The following ZDHHC15 variants were observed in gnomAD, a reference collection of about 807,000 sequenced individuals.
The protein encoded by ZDHHC15 is zDHHC palmitoyltransferase 15.
A neutral mutation model predicts 31.7 loss-of-function variants in ZDHHC15; 19 were observed. The ratio of observed to expected loss-of-function variants is 0.60; its 90% CI spans 0.42 to 0.88. ZDHHC15 has a LOEUF of 0.88. Among genes scored for constraint, ZDHHC15 ranks in the 40% least tolerant of loss-of-function variants. The pLI, the probability that ZDHHC15 is intolerant of heterozygous loss-of-function variation, is 0.00. For missense variants in ZDHHC15, 209 were observed against 251.2 expected, an observed-to-expected ratio of 0.83 and a Z score of 1.14; for synonymous variants, 103 against 90.0, an observed-to-expected ratio of 1.14 and a Z score of -0.82.
intron 3 of ZDHHC15, among the ~76,000 whole-genome samples, chrX:75,477,424 T>C (rs893232940): frequency 9.8e-5 from 11 of 111,954 alleles, no homozygotes; most frequent in Non-Finnish European, 1.9e-4. Flanking sequence ...TGTTTAGTTA[T>C]TGTATCCATT....
chrX:75,451,008 A>G lies in ZDHHC15; in HGVS notation c.259-86T>C, dbSNP rs777570851. The G allele has an allele frequency of 1.3e-3, 1,321 of 1,052,357 alleles. 1 individual carries two copies. The highest frequency in any genetic ancestry group is 1.5e-3 in the Non-Finnish European group (1,182 of 797,318). The allele number at this position is 1,052,357 out of a possible 1,213,427, so 86.7% of individuals were successfully genotyped here. ...CAACAACAATAACTACTTTAATGAAATTATTTGTTACCTACCCTTGAAGCT... is the reference window on the plus strand; with the variant it reads ...CAACAACAATAACTACTTTAATGAAGTTATTTGTTACCTACCCTTGAAGCT... On this transcript the variant is annotated intron_variant, in intron 3 of 11. Transcript: ENST00000373367.
Position 75,369,943 on chromosome X carries a change from T to G in ZDHHC15, c.*3035A>C, listed in dbSNP as rs1413722099. The G allele has an allele frequency of 9.0e-6, 1 of 111,541 alleles. No individual in the cohort carries two copies. Among genetic ancestry groups the G allele is most frequent in the Non-Finnish European group, 1.9e-5 (1 of 53,169 alleles). The allele number at this position is 111,541 out of a possible 1,213,427, so 9.2% of individuals were successfully genotyped here. A position where few individuals can be genotyped will look rare whatever the true frequency, so the allele number is the denominator to read the frequency against. On this transcript the variant is annotated 3_prime_UTR_variant, in exon 12 of 12. Coordinates refer to ENST00000373367, the MANE Select transcript of ZDHHC15 (RefSeq NM_144969.3). The stretch of plus-strand genomic sequence containing the variant: ...GGGGACCACTTAATCTCTTTTCCCC[T>G]TAATTTTTCCAGCTGTACCATGGGG...
In ZDHHC15 at chrX:75,510,476, G is replaced by GTT. The variant is rs373085476; in HGVS notation, c.137-4631_137-4630dup. 2.4e-3 allele frequency among the ~76,000 whole-genome samples: 129 copies of GTT among 52,962 alleles called. 1 individual carries two copies. Among genetic ancestry groups the GTT allele is most frequent in the East Asian group, 0.011 (23 of 2,033 alleles). The allele number at this position is 52,962 out of a possible 115,157, so 46.0% of individuals were successfully genotyped here. On this transcript the variant is annotated intron_variant, in intron 1 of 11. Transcript: ENST00000373367. ...TTGGTTTCTAGAAAATGTTTCTTCT[G>GTT]TTTTTTTTTTTTTTTCTGTCTGATC... is the stretch of plus-strand genomic sequence containing the variant.
chrX:75,463,378 G>A (rs1264818414), intron 3 of ZDHHC15, among the ~76,000 whole-genome samples: 4 of 110,785 alleles, frequency 3.6e-5, no homozygotes, highest in Non-Finnish European at 7.6e-5. Context: ...AAATTGAAAA[G>A]GAGAGACTCT....
intron 7 of ZDHHC15, 95 bp from the exon 8 acceptor site, chrX:75,424,879 G>C: frequency 1.1e-6 from 1 of 891,765 alleles, no homozygotes; most frequent in African/African-American, 2.1e-5. Context: ...CATGTATAAA[G>C]TGTCTAGCTG....
chrX:75,453,032 T>TCAGAG (rs961760449), intron 3 of ZDHHC15, among the ~76,000 whole-genome samples: 3 of 111,002 alleles, frequency 2.7e-5, no homozygotes, highest in Non-Finnish European at 3.8e-5. Flanking sequence ...ATAACTAAGA[T>TCAGAG]CAGAGCAGAA....
At chrX:75,477,269 G>A (rs1198020732) in intron 3 of ZDHHC15, among the ~76,000 whole-genome samples, 1 of 111,120 alleles carries the variant, frequency 9.0e-6, no homozygotes, top group Non-Finnish European at 1.9e-5. Context: ...CTTGTATTAT[G>A]GCCTAATATA....
At chrX:75,449,755 G>A in intron 4 of ZDHHC15, among the ~76,000 whole-genome samples, 1 of 111,967 alleles carries the variant, frequency 8.9e-6, no homozygotes. Context: ...CTAAAGCCTT[G>A]AAATACGAAA....
chrX:75,450,135 T>C (rs1419956879), intron 4 of ZDHHC15, among the ~76,000 whole-genome samples: 1 of 112,093 alleles, frequency 8.9e-6, no homozygotes, highest in African/African-American at 3.2e-5. Flanking sequence ...AAAAGATGGA[T>C]GAATCTTACA....
At chrX:75,492,657 T>C in intron 2 of ZDHHC15, among the ~76,000 whole-genome samples, 1 of 111,680 alleles carries the variant, frequency 9.0e-6, no homozygotes, top group Middle Eastern at 4.6e-3. Context: ...ACATGGAAAC[T>C]GAACAACCTG....
At chrX:75,413,861 A>G (rs1981349582) in intron 10 of ZDHHC15, among the ~76,000 whole-genome samples, 2 of 109,107 alleles carry the variant, frequency 1.8e-5, no homozygotes, top group African/African-American at 6.7e-5. Flanking sequence ...CTTCACATAC[A>G]GGCAAGCTCT....
intron 3 of ZDHHC15, among the ~76,000 whole-genome samples, chrX:75,474,988 G>T (rs1366992455): frequency 1.8e-5 from 2 of 111,042 alleles, no homozygotes; most frequent in Non-Finnish European, 3.8e-5. Context: ...TGAACCCGGA[G>T]GTGGAGCTTG....
chrX:75,463,739 G>T (rs1356091832), intron 3 of ZDHHC15, among the ~76,000 whole-genome samples: 1 of 111,666 alleles, frequency 9.0e-6, no homozygotes, highest in African/African-American at 3.3e-5. Flanking sequence ...AAACCACAAT[G>T]AAATACCATC....
chrX:75,469,600 T>C (rs1235588016), intron 3 of ZDHHC15, among the ~76,000 whole-genome samples: 1 of 112,321 alleles, frequency 8.9e-6, no homozygotes, highest in Non-Finnish European at 1.9e-5. Flanking sequence ...TAATATTCCA[T>C]TGTATGTATA....
In ZDHHC15 at chrX:75,486,331, C is replaced by G. The variant is rs956649042; in HGVS notation, c.164-7346G>C. On this transcript the variant is annotated intron_variant, in intron 2 of 11. Coordinates refer to ENST00000373367, the MANE Select transcript of ZDHHC15 (RefSeq NM_144969.3). ...CCAGGGAAGCCATTCCTGGCTTTAT[C>G]TCACAGAGGTCCCTGGGGAAGGGAA... Among the ~76,000 whole-genome samples the G allele has an allele frequency of 2.0e-4, 22 of 112,377 alleles. 1 individual carries two copies. The highest frequency in any genetic ancestry group is 1.9e-4 in the Non-Finnish European group (10 of 53,247).
At chrX:75,378,500 C>T (rs1263023368) in intron 11 of ZDHHC15, among the ~76,000 whole-genome samples, 1 of 111,713 alleles carries the variant, frequency 9.0e-6, no homozygotes, top group African/African-American at 3.3e-5. Flanking sequence ...AAGTTTCATC[C>T]GATCAGAGCT....
chrX:75,383,883 CA>C (rs1487006765), intron 10 of ZDHHC15, among the ~76,000 whole-genome samples: 1 of 104,166 alleles, frequency 9.6e-6, no homozygotes, highest in Admixed American at 1.1e-4. Flanking sequence ...GGACTACAGG[CA>C]TCCCCCACCA....
chrX:75,434,902 A>G (rs1266061457), intron 4 of ZDHHC15, among the ~76,000 whole-genome samples: 1 of 112,248 alleles, frequency 8.9e-6, no homozygotes, highest in Non-Finnish European at 1.9e-5. Context: ...TGGGAATTGC[A>G]TTGAATGTGT....
At chrX:75,460,465 G>T (rs1215001361) in intron 3 of ZDHHC15, among the ~76,000 whole-genome samples, 2 of 111,307 alleles carry the variant, frequency 1.8e-5, no homozygotes, top group African/African-American at 6.5e-5. Context: ...GTGGGTCCCT[G>T]TTTCCACTCC....
Sources: gnomAD v4.1 joint callset for allele counts (sites outside exome capture counted in the v4.1 genomes callset) on GRCh38, gnomAD v4.1.1 for gene constraint, MANE v1.5 for transcripts, NCBI Gene and HGNC (gene_info 2026-07-23, HGNC 2026-07-21) for gene names.